TMEM185A: variants seen among roughly 807,000 people sequenced by gnomAD.
The protein encoded by TMEM185A is family with sequence similarity 11, member A.
In TMEM185A, 9 loss-of-function variants were observed where a neutral mutation model predicts 25.0. The observed-to-expected ratio is 0.36, with a 90% CI of 0.22 to 0.63. The LOEUF (loss-of-function observed/expected upper bound fraction) is 0.63, where lower values mean the gene tolerates loss of function less well. TMEM185A is among the 20% of genes least tolerant of loss of function. The pLI, the probability that TMEM185A is intolerant of heterozygous loss-of-function variation, is 0.68. For missense variants in TMEM185A, 103 were observed against 237.4 expected, an observed-to-expected ratio of 0.43 and a Z score of 3.72; for synonymous variants, 45 against 93.5, an observed-to-expected ratio of 0.48 and a Z score of 2.99.
At chrX:149,630,838 G>A in intron 1 of TMEM185A, among the ~76,000 whole-genome samples, 1 of 111,503 alleles carries the variant, frequency 9.0e-6, no homozygotes, top group Non-Finnish European at 1.9e-5. Context: ...GCGCTTGAGT[G>A]CTTAGCCAGT....
intron 2 of TMEM185A, among the ~76,000 whole-genome samples, chrX:149,610,980 A>G (rs781859340): frequency 3.6e-5 from 4 of 111,645 alleles, no homozygotes; most frequent in Non-Finnish European, 7.5e-5. Flanking sequence ...TTTTCCTAAA[A>G]ACAGGGTGGT....
chrX:149,625,626 A>G (rs782306694), intron 1 of TMEM185A, among the ~76,000 whole-genome samples: 97 of 112,415 alleles, frequency 8.6e-4, no homozygotes, highest in African/African-American at 2.5e-3. Context: ...GGAAATGGCA[A>G]ACAGTCAGTC....
At chrX:149,627,168 T>C (rs1557356129) in intron 1 of TMEM185A, among the ~76,000 whole-genome samples, 3 of 112,544 alleles carry the variant, frequency 2.7e-5, no homozygotes, top group African/African-American at 9.7e-5. Context: ...GGGGGAAACC[T>C]TGGACAATAC....
At chrX:149,624,025 T>C (rs781995892) in intron 1 of TMEM185A, among the ~76,000 whole-genome samples, 1 of 112,896 alleles carries the variant, frequency 8.9e-6, no homozygotes, top group East Asian at 2.8e-4. Context: ...CTTATGGTCA[T>C]AGCCTAAACT....
intron 1 of TMEM185A, among the ~76,000 whole-genome samples, chrX:149,620,164 G>A (rs1007891453): frequency 8.9e-5 from 10 of 111,930 alleles, no homozygotes; most frequent in East Asian, 2.8e-4. Context: ...TATAAATCAT[G>A]CTGCTATAAA....
In TMEM185A at chrX:149,608,639, G is replaced by A; in HGVS notation, c.411C>T (p.Asp137=). Residue 137 remains aspartate (D), a synonymous_variant, in exon 3 of 7, where the codon GAC becomes GAT. Transcript: ENST00000600449. ...VAACVWGFRH[D]RSLELEILCS... ...TATGAAATCTCACCTCTAGTGACCT[G>A]TCATGTCGAAAGCCCCAAACGCAAG... 3.3e-6 allele frequency: 4 copies of A among 1,211,024 alleles called. No homozygotes were observed. Among genetic ancestry groups the A allele is most frequent in the Non-Finnish European group, 4.5e-6 (4 of 894,972 alleles).
chrX:149,619,237 T>C (rs1557355320), intron 1 of TMEM185A, among the ~76,000 whole-genome samples: 1 of 111,965 alleles, frequency 8.9e-6, no homozygotes, highest in Non-Finnish European at 1.9e-5. Flanking sequence ...TGTTGACACA[T>C]TTCATATACA....
At position 149,630,507 on chromosome X, in the gene TMEM185A, T is replaced by C. The variant is rs973544010; in HGVS notation, c.38+1036A>G. Among the ~76,000 whole-genome samples the C allele has an allele frequency of 2.7e-5, 3 of 111,878 alleles. No homozygotes were observed. The Admixed American group carries it at 2.8e-4, about 11-fold the overall frequency. On this transcript the variant is annotated intron_variant, in intron 1 of 6. Coordinates refer to ENST00000600449, the MANE Select transcript of TMEM185A (RefSeq NM_032508.4). Reference sequence around the variant, plus strand: ...CACACAAATATTTACTGAGCACGTCTTCCCAACTGGCAAATAAGGGAAACG... The same window carrying C: ...CACACAAATATTTACTGAGCACGTCCTCCCAACTGGCAAATAAGGGAAACG...
intron 1 of TMEM185A, among the ~76,000 whole-genome samples, chrX:149,619,926 A>C (rs1557355406): frequency 2.7e-5 from 3 of 111,813 alleles, no homozygotes; most frequent in African/African-American, 9.8e-5. Context: ...GGTTGGTTCC[A>C]AATCTTTGCT....
intron 2 of TMEM185A, among the ~76,000 whole-genome samples, chrX:149,610,105 C>G (rs1372154267): frequency 1.8e-5 from 2 of 111,231 alleles, no homozygotes; most frequent in African/African-American, 6.5e-5. Flanking sequence ...CAATCTGAAT[C>G]ATTTTCATAT....
chrX:149,609,891 T>C (rs2090072765), intron 2 of TMEM185A, among the ~76,000 whole-genome samples: 1 of 112,159 alleles, frequency 8.9e-6, no homozygotes, highest in African/African-American at 3.2e-5. Flanking sequence ...TTATTTAACT[T>C]TGCATTCTTT....
intron 1 of TMEM185A, 101 bp from the exon 2 acceptor site, chrX:149,611,564 G>T: frequency 1.3e-6 from 1 of 743,319 alleles, no homozygotes; most frequent in Non-Finnish European, 2.0e-6. Context: ...TGTAAAAGGA[G>T]TCACTAACTC....
intron 1 of TMEM185A, among the ~76,000 whole-genome samples, chrX:149,612,239 T>C (rs895514449): frequency 8.9e-6 from 1 of 111,999 alleles, no homozygotes; most frequent in Non-Finnish European, 1.9e-5. Flanking sequence ...CAACAGGCAG[T>C]GGAGAACAGG....
At chrX:149,631,455 C>T (rs1438324072) in intron 1 of TMEM185A, 88 bp downstream of exon 1, 2 of 1,045,651 alleles carry the variant, frequency 1.9e-6, no homozygotes, top group African/African-American at 2.0e-5. Flanking sequence ...TGCAGCATCT[C>T]GCCCGCCGTG....
chrX:149,610,013 T>C (rs1038400843), intron 2 of TMEM185A, among the ~76,000 whole-genome samples: 1 of 112,182 alleles, frequency 8.9e-6, no homozygotes, highest in Admixed American at 9.4e-5. Flanking sequence ...GAAACAGCTA[T>C]ACATGAATGT....
intron 1 of TMEM185A, among the ~76,000 whole-genome samples, chrX:149,627,966 A>G (rs1022003579): frequency 1.8e-5 from 2 of 112,268 alleles, no homozygotes; most frequent in African/African-American, 3.2e-5. Flanking sequence ...AAGAGACAAG[A>G]TAACTTATAT....
Position 149,631,735 on chromosome X carries a change from TCGCCGC to T in TMEM185A, c.-161_-156del. On this transcript the variant is annotated 5_prime_UTR_variant, in exon 1 of 7. Transcript: ENST00000600449. ...GTCCCCGCTGCCGTCGCCGTCGCCG[TCGCCGC>T]CGCCGCCGCCGCCGCCGCCGCCGCC... 2,524 of 335,112 alleles carry T rather than the reference TCGCCGC, an allele frequency of 7.5e-3. 40 individuals are homozygous for T. The highest frequency in any genetic ancestry group is 0.012 in the Middle Eastern group (14 of 1,144). The allele number at this position is 335,112 out of a possible 1,213,427, so 27.6% of individuals were successfully genotyped here.
intron 4 of TMEM185A, chrX:149,601,578 AGTTGTTCCCTCCCTGTATCCACAG>A (rs1362672101): frequency 4.1e-5 from 4 of 97,960 alleles, no homozygotes; most frequent in South Asian, 4.1e-4. Flanking sequence ...GATTCATCCA[AGTTGTTCCCTCCCTGTATCCACAG>A]GTCGTTCCCT....
chrX:149,626,369 G>A (rs961545561), intron 1 of TMEM185A, among the ~76,000 whole-genome samples: 34 of 112,558 alleles, frequency 3.0e-4, no homozygotes, highest in African/African-American at 1.1e-3. Flanking sequence ...ACAATAACCT[G>A]TAAAAACTAT....
Sources: gnomAD v4.1 joint callset for allele counts (sites outside exome capture counted in the v4.1 genomes callset) on GRCh38, gnomAD v4.1.1 for gene constraint, MANE v1.5 for transcripts, NCBI Gene and HGNC (gene_info 2026-07-23, HGNC 2026-07-21) for gene names.